KCNIP4: variants seen among roughly 807,000 people sequenced by gnomAD.
KCNIP4 encodes the protein Kv channel-interacting protein 4.
KCNIP4 carries 12 observed loss-of-function variants against 34.0 expected under a neutral mutation model. The observed-to-expected ratio is 0.35, with a 90% CI of 0.23 to 0.57. The LOEUF (loss-of-function observed/expected upper bound fraction) is 0.57. KCNIP4 is among the 20% of genes least tolerant of loss of function. The pLI is 0.83. For missense variants in KCNIP4, 238 were observed against 311.7 expected, an observed-to-expected ratio of 0.76 and a Z score of 1.78; for synonymous variants, 124 against 102.2, an observed-to-expected ratio of 1.21 and a Z score of -1.29.
chr4:21,924,050 C>T (rs1321999186), intron 1 of KCNIP4, among the ~76,000 whole-genome samples: 2 of 152,050 alleles, frequency 1.3e-5, no homozygotes, highest in Admixed American at 6.6e-5. Flanking sequence ...AATGCAAATC[C>T]TTTTACACTT....
chr4:21,117,378 T>G (rs571335480), intron 1 of KCNIP4, among the ~76,000 whole-genome samples: 1 of 150,540 alleles, frequency 6.6e-6, no homozygotes, highest in African/African-American at 2.4e-5. Context: ...GACCAAGTTA[T>G]TTACCATTAG....
intron 1 of KCNIP4, among the ~76,000 whole-genome samples, chr4:21,909,006 T>A (rs372878271): frequency 6.6e-6 from 1 of 152,108 alleles, no homozygotes; most frequent in Non-Finnish European, 1.5e-5. Flanking sequence ...ATTAGATTAA[T>A]GTCCATCTTA....
At chr4:21,312,737 C>T (rs1292606409) in intron 1 of KCNIP4, among the ~76,000 whole-genome samples, 1 of 152,170 alleles carries the variant, frequency 6.6e-6, no homozygotes, top group Non-Finnish European at 1.5e-5. Flanking sequence ...ACAACTTTCT[C>T]TCATCAATGA....
At chr4:21,807,691 G>T (rs138236465) in intron 1 of KCNIP4, among the ~76,000 whole-genome samples, 1 of 152,054 alleles carries the variant, frequency 6.6e-6, no homozygotes, top group Non-Finnish European at 1.5e-5. Flanking sequence ...TTCATTGCCC[G>T]ATTGGAATTA....
intron 1 of KCNIP4, among the ~76,000 whole-genome samples, chr4:21,392,183 A>G (rs1463007502): frequency 6.6e-6 from 1 of 152,242 alleles, no homozygotes; most frequent in Non-Finnish European, 1.5e-5. Flanking sequence ...AGCACTTCCC[A>G]GCTATCTGCC....
intron 1 of KCNIP4, among the ~76,000 whole-genome samples, chr4:21,829,194 C>G (rs1387169183): frequency 1.3e-5 from 2 of 151,904 alleles, no homozygotes; most frequent in Non-Finnish European, 2.9e-5. Flanking sequence ...GAAACCATAA[C>G]CCCATCACAA....
At chr4:21,785,225 A>G (rs1719824143) in intron 1 of KCNIP4, among the ~76,000 whole-genome samples, 1 of 151,224 alleles carries the variant, frequency 6.6e-6, no homozygotes, top group Admixed American at 6.6e-5. Context: ...ATCCAATTCA[A>G]TCCATGTTAG....
Position 21,683,353 on chromosome 4 carries a change from G to A in KCNIP4, c.61+265218C>T, listed in dbSNP as rs186174772. 3.4e-3 allele frequency among the ~76,000 whole-genome samples: 507 copies of A among 149,826 alleles called. 1 individual carries two copies. The highest frequency in any genetic ancestry group is 6.3e-3 in the Non-Finnish European group (426 of 67,786). ...TACTAACAAAAATCTCATGAAGGTC[G>A]GACTATCATTATCTCAAATTTATTG... On this transcript the variant is annotated intron_variant, in intron 1 of 8. Transcript: ENST00000382152.
At position 20,730,081 on chromosome 4, in the gene KCNIP4, G is replaced by GTTAAATCACA; in HGVS notation, c.744_753dup. 2 of 1,608,398 alleles carry GTTAAATCACA rather than the reference G, an allele frequency of 1.2e-6. No individual in the cohort carries two copies. The highest frequency in any genetic ancestry group is 1.7e-6 in the Non-Finnish European group (2 of 1,178,068). ...GTTGGATTCAGGATCTATTTGACAAGTTAAATCACATTTTCAAAGAGCTGC... is the reference window on the plus strand; with the variant it reads ...GTTGGATTCAGGATCTATTTGACAAGTTAAATCACATTAAATCACATTTTCAAAGAGCTGC... On this transcript the variant is annotated 3_prime_UTR_variant, in exon 9 of 9. Transcript: ENST00000382152.
intron 1 of KCNIP4, among the ~76,000 whole-genome samples, chr4:21,083,585 A>G (rs891614736): frequency 6.6e-6 from 1 of 151,682 alleles, no homozygotes; most frequent in African/African-American, 2.4e-5. Context: ...GAGATCACTG[A>G]GTCAGAGATT....
intron 1 of KCNIP4, among the ~76,000 whole-genome samples, chr4:21,677,137 A>T (rs1355795602): frequency 6.6e-6 from 1 of 152,176 alleles, no homozygotes; most frequent in African/African-American, 2.4e-5. Flanking sequence ...AATAAATGTG[A>T]ATTACATAAG....
chr4:21,880,676 G>A (rs192833892), intron 1 of KCNIP4, among the ~76,000 whole-genome samples: 1 of 152,152 alleles, frequency 6.6e-6, no homozygotes, highest in African/African-American at 2.4e-5. Context: ...TTTACTGTAT[G>A]GCATGTATAA....
intron 3 of KCNIP4, among the ~76,000 whole-genome samples, chr4:20,824,698 G>A (rs1456264497): frequency 3.9e-5 from 6 of 151,974 alleles, no homozygotes; most frequent in African/African-American, 1.2e-4. Flanking sequence ...GTGATTCTTC[G>A]ACATTTATGT....
chr4:21,333,382 T>TA (rs548071538), intron 1 of KCNIP4, among the ~76,000 whole-genome samples: 24 of 151,192 alleles, frequency 1.6e-4, no homozygotes, highest in South Asian at 1.5e-3. Context: ...AACCTAAAAT[T>TA]AAAAAAAAAT....
At chr4:21,694,300 T>C (rs1712020825) in intron 1 of KCNIP4, among the ~76,000 whole-genome samples, 1 of 152,130 alleles carries the variant, frequency 6.6e-6, no homozygotes, top group Non-Finnish European at 1.5e-5. Context: ...GAATTGAATA[T>C]GATATGGTAC....
At chr4:20,989,144 T>C (rs547289687) in intron 1 of KCNIP4, among the ~76,000 whole-genome samples, 6 of 152,208 alleles carry the variant, frequency 3.9e-5, no homozygotes, top group Non-Finnish European at 8.8e-5. Context: ...CTCACATGTA[T>C]ATGTGCTCTG....
chr4:20,969,878 T>C (rs1437028754), intron 1 of KCNIP4, among the ~76,000 whole-genome samples: 1 of 151,834 alleles, frequency 6.6e-6, no homozygotes, highest in African/African-American at 2.4e-5. Flanking sequence ...ACAATATTAT[T>C]AAGTTTAAGG....
rs562465301 is a variant in KCNIP4, at chr4:21,233,553, A to G, written c.62-350844T>C. ...TGAGGCTCAAGGACCAGAGCCCAGG[A>G]GAGGTGGTTAAAAAACCAAAGAACA... On this transcript the variant is annotated intron_variant, in intron 1 of 8. Coordinates refer to ENST00000382152, the MANE Select transcript of KCNIP4 (RefSeq NM_025221.6). Among the ~76,000 whole-genome samples the G allele has an allele frequency of 1.3e-4, 20 of 152,090 alleles. No individual in the cohort carries two copies. The East Asian group carries it at 3.7e-3, about 28-fold the overall frequency.
At chr4:20,999,008 C>G (rs1737816311) in intron 1 of KCNIP4, among the ~76,000 whole-genome samples, 1 of 152,116 alleles carries the variant, frequency 6.6e-6, no homozygotes, top group Admixed American at 6.5e-5. Flanking sequence ...AATAAAGAGG[C>G]AGTTATTAAA....
Sources: allele counts gnomAD v4.1 joint callset (sites outside exome capture counted in the v4.1 genomes callset), GRCh38; gene constraint gnomAD v4.1.1; transcripts MANE v1.5; gene names NCBI Gene and HGNC (gene_info 2026-07-23, HGNC 2026-07-21).